The following TMEM117 variants were observed in gnomAD, a reference collection of about 807,000 sequenced individuals.
TMEM117 encodes transmembrane protein 117.
Under a neutral mutation model 52.4 loss-of-function variants are expected in TMEM117, and 27 were observed. That is an observed-to-expected ratio of 0.51 (90% CI 0.38 to 0.71). The LOEUF (loss-of-function observed/expected upper bound fraction) is 0.71, where lower values mean the gene tolerates loss of function less well. Ranked by LOEUF, TMEM117 falls within the 30% of genes least tolerant of loss-of-function variation. The pLI, the probability that TMEM117 is intolerant of heterozygous loss-of-function variation, is 0.00. For synonymous variants in TMEM117, 215 were observed against 206.3 expected, an observed-to-expected ratio of 1.04 and a Z score of -0.36; for missense variants, 556 against 630.5, an observed-to-expected ratio of 0.88 and a Z score of 1.26.
At chr12:44,083,969 C>G (rs1947526105) in intron 3 of TMEM117, among the ~76,000 whole-genome samples, 1 of 152,032 alleles carries the variant, frequency 6.6e-6, no homozygotes, top group Admixed American at 6.6e-5. Flanking sequence ...ACAAAAAACA[C>G]AAGCAAAATA....
At chr12:44,286,308 T>G in intron 5 of TMEM117, among the ~76,000 whole-genome samples, 1 of 150,626 alleles carries the variant, frequency 6.6e-6, no homozygotes, top group South Asian at 2.1e-4. Context: ...TAAAACAGTT[T>G]TATATATATA....
At chr12:43,989,215 A>T (rs922461374) in intron 3 of TMEM117, among the ~76,000 whole-genome samples, 2 of 152,132 alleles carry the variant, frequency 1.3e-5, no homozygotes, top group African/African-American at 2.4e-5. Flanking sequence ...ATAAAACTTT[A>T]TGCCTTCCAA....
intron 2 of TMEM117, among the ~76,000 whole-genome samples, chr12:43,855,649 G>T (rs1943388044): frequency 6.6e-6 from 1 of 152,140 alleles, no homozygotes; most frequent in Admixed American, 6.6e-5. Context: ...AATATATCCA[G>T]AGATTTGGGA....
intron 6 of TMEM117, among the ~76,000 whole-genome samples, chr12:44,356,587 T>A (rs1356136262): frequency 6.6e-6 from 1 of 152,130 alleles, no homozygotes; most frequent in African/African-American, 2.4e-5. Context: ...GTTATTACCT[T>A]ATAATTATTC....
At chr12:44,192,915 T>A (rs920810696) in intron 4 of TMEM117, among the ~76,000 whole-genome samples, 1 of 152,128 alleles carries the variant, frequency 6.6e-6, no homozygotes, top group Non-Finnish European at 1.5e-5. Context: ...ATATTGTAGG[T>A]CCTAAAAGGT....
At chr12:44,019,928 A>G (rs1946430885) in intron 3 of TMEM117, among the ~76,000 whole-genome samples, 1 of 152,200 alleles carries the variant, frequency 6.6e-6, no homozygotes, top group Non-Finnish European at 1.5e-5. Context: ...AACAGAATGA[A>G]AGGTCTGTTT....
chr12:43,813,231 G>GTTTTTT, the TMEM117 span, among the ~76,000 whole-genome samples: 15 of 62,666 alleles, frequency 2.4e-4, no homozygotes, highest in Non-Finnish European at 3.2e-4. Context: ...GTTTTCTCTT[G>GTTTTTT]TTTTTTTTTT....
chr12:43,838,766 G>C (rs115299778), intron 1 of TMEM117, among the ~76,000 whole-genome samples: 2 of 151,708 alleles, frequency 1.3e-5, no homozygotes, highest in South Asian at 2.1e-4. Context: ...AGAGGTAGTC[G>C]TGCCTGTTTC....
At chr12:44,097,231 A>C (rs1023904293) in intron 3 of TMEM117, among the ~76,000 whole-genome samples, 13 of 152,100 alleles carry the variant, frequency 8.5e-5, no homozygotes, top group African/African-American at 2.9e-4. Context: ...GCTGGAGAGG[A>C]TGTGGAGAAA....
chr12:43,972,601 CGCTGATTGGTCCATTTTACAGTGT>C (rs1945607909), intron 3 of TMEM117, among the ~76,000 whole-genome samples: 1 of 151,992 alleles, frequency 6.6e-6, no homozygotes, highest in Non-Finnish European at 1.5e-5. Context: ...TTTTACAGAG[CGCTGATTGGTCCATTTTACAGTGT>C]GCTGATTGGT....
At chr12:44,302,868 A>G (rs1182130823) in intron 6 of TMEM117, among the ~76,000 whole-genome samples, 1 of 152,240 alleles carries the variant, frequency 6.6e-6, no homozygotes, top group Non-Finnish European at 1.5e-5. Context: ...ACAACCAACT[A>G]AACTGTGTTC....
At chr12:43,848,846 G>GC (rs1156561701) in intron 2 of TMEM117, among the ~76,000 whole-genome samples, 1 of 152,182 alleles carries the variant, frequency 6.6e-6, no homozygotes, top group African/African-American at 2.4e-5. Context: ...CGCAGCTTTA[G>GC]CCCGTCCCTC....
intron 2 of TMEM117, among the ~76,000 whole-genome samples, chr12:43,891,554 G>A (rs991798122): frequency 5.3e-5 from 8 of 151,086 alleles, no homozygotes; most frequent in African/African-American, 1.9e-4. Flanking sequence ...TTTTAGTAGA[G>A]ACAGGGTTTC....
chr12:44,335,070 A>C (rs1951323267), intron 6 of TMEM117, among the ~76,000 whole-genome samples: 1 of 152,052 alleles, frequency 6.6e-6, no homozygotes, highest in Non-Finnish European at 1.5e-5. Flanking sequence ...CTAAGTAGAA[A>C]AGCAGACATG....
intron 2 of TMEM117, among the ~76,000 whole-genome samples, chr12:43,911,954 C>T (rs1409517331): frequency 8.9e-6 from 1 of 112,372 alleles, no homozygotes; most frequent in Admixed American, 1.0e-4. Context: ...CCTCAGGGAT[C>T]TAGAACTAGA....
rs539261234 is a variant in TMEM117 at position 44,343,459 on chromosome 12, G to A, written c.769-33136G>A. On this transcript the variant is annotated intron_variant, in intron 6 of 7. Transcript: ENST00000266534. ...TTTACATCAAAAGTTAAATAATGCA[G>A]TCACAAAAAGAGAAATACTGTATGA... Among the ~76,000 whole-genome samples the A allele has an allele frequency of 2.0e-5, 3 of 152,150 alleles. No individual in the cohort carries two copies. In the South Asian group the frequency reaches 6.2e-4, roughly 32 times the overall value.
chr12:44,179,841 C>T (rs1949166727), intron 4 of TMEM117, among the ~76,000 whole-genome samples: 1 of 152,138 alleles, frequency 6.6e-6, no homozygotes, highest in African/African-American at 2.4e-5. Flanking sequence ...GCTGTAATAA[C>T]AAATAACCCA....
At chr12:43,806,003 C>G in the TMEM117 span, 2 of 1,529,668 alleles carry the variant, frequency 1.3e-6, no homozygotes, top group Non-Finnish European at 1.8e-6. Context: ...TCGGATCAAT[C>G]TGCAACGTGA....
chr12:43,802,530 G>T, the TMEM117 span: 2 of 1,179,552 alleles, frequency 1.7e-6, no homozygotes, highest in Non-Finnish European at 2.4e-6. Context: ...GTGTGATGAA[G>T]ACTAGAAAAA....
Sources: allele counts gnomAD v4.1 joint callset (sites outside exome capture counted in the v4.1 genomes callset), GRCh38; gene constraint gnomAD v4.1.1; transcripts MANE v1.5; gene names NCBI Gene and HGNC (gene_info 2026-07-23, HGNC 2026-07-21).